The following MAN2A1 variants were observed in gnomAD, a reference collection of about 807,000 sequenced individuals.
MAN2A1 encodes the protein mannosidase alpha class 2A member 1, also known as alpha-mannosidase 2.
In MAN2A1, 76 loss-of-function variants were observed where a neutral mutation model predicts 142.6. The observed-to-expected ratio is 0.53, with a 90% CI of 0.44 to 0.65. The LOEUF is 0.65. Among genes scored for constraint, MAN2A1 ranks in the 30% least tolerant of loss-of-function variants. The pLI is 0.00. For missense variants in MAN2A1, 1,311 were observed against 1,365.1 expected, an observed-to-expected ratio of 0.96 and a Z score of 0.62; for synonymous variants, 559 against 473.2, an observed-to-expected ratio of 1.18 and a Z score of -2.35.
intron 16 of MAN2A1, among the ~76,000 whole-genome samples, chr5:109,837,548 G>A (rs1236943143): frequency 3.3e-5 from 5 of 152,088 alleles, no homozygotes; most frequent in Non-Finnish European, 5.9e-5. Context: ...GTCCTTGGGC[G>A]AGTGATTTCT....
At chr5:109,693,582 T>C (rs1750732446) in intron 1 of MAN2A1, among the ~76,000 whole-genome samples, 1 of 152,076 alleles carries the variant, frequency 6.6e-6, no homozygotes, top group Non-Finnish European at 1.5e-5. Flanking sequence ...CTATTTGTTG[T>C]TTTTTTGGAG....
intron 16 of MAN2A1, among the ~76,000 whole-genome samples, chr5:109,828,104 CAA>C (rs751087391): frequency 2.6e-4 from 24 of 92,736 alleles, no homozygotes; most frequent in Admixed American, 2.6e-4. Context: ...GACTCTGTCT[CAA>C]AAAAAAAAAA....
intron 12 of MAN2A1, among the ~76,000 whole-genome samples, chr5:109,806,616 A>G (rs1389806529): frequency 6.6e-6 from 1 of 152,212 alleles, no homozygotes; most frequent in Non-Finnish European, 1.5e-5. Flanking sequence ...TATTTACTTA[A>G]TAATATCATA....
In MAN2A1 at chr5:109,759,548, G is replaced by T. The variant is rs760974210; in HGVS notation, c.835+4092G>T. ...GTTTTGAGCTATGGTGAATCATACT[G>T]TGATAAACATTTGTGCACAGGTCTT... On this transcript the variant is annotated intron_variant, in intron 5 of 21. Coordinates refer to ENST00000261483, the MANE Select transcript of MAN2A1 (RefSeq NM_002372.4). Among the ~76,000 whole-genome samples the T allele has an allele frequency of 3.3e-4, 50 of 152,228 alleles. 1 individual carries two copies. The highest frequency in any genetic ancestry group is 3.4e-3 in the Middle Eastern group (1 of 294).
chr5:109,788,631 G>A (rs1385190974), intron 10 of MAN2A1, among the ~76,000 whole-genome samples: 2 of 151,736 alleles, frequency 1.3e-5, no homozygotes, highest in African/African-American at 4.8e-5. Context: ...AGTTATTGGG[G>A]TGATCCTACT....
chr5:109,704,843 T>G (rs1751086039), intron 1 of MAN2A1, among the ~76,000 whole-genome samples: 1 of 152,156 alleles, frequency 6.6e-6, no homozygotes, highest in Non-Finnish European at 1.5e-5. Flanking sequence ...GGTGAGCCAT[T>G]TTAAATTATA....
intron 16 of MAN2A1, among the ~76,000 whole-genome samples, chr5:109,828,916 C>G (rs1754831917): frequency 1.3e-5 from 2 of 152,138 alleles, no homozygotes; most frequent in African/African-American, 4.8e-5. Flanking sequence ...TTTCTCTGAG[C>G]AATTTTGAAT....
At position 109,816,665 on chromosome 5, in the gene MAN2A1, A is replaced by G. The variant is rs1386364691; in HGVS notation, c.1944-608A>G. 2.0e-5 allele frequency among the ~76,000 whole-genome samples: 3 copies of G among 152,068 alleles called. No homozygotes were observed. The East Asian group carries it at 5.8e-4, about 29-fold the overall frequency. On this transcript the variant is annotated intron_variant, in intron 12 of 21. Transcript: ENST00000261483. Reference sequence around the variant, plus strand: ...CTCATTGTGATGAAATTGCAAACAAATTGTGAATTTTTTTTATTCTGTGAG... The same window carrying G: ...CTCATTGTGATGAAATTGCAAACAAGTTGTGAATTTTTTTTATTCTGTGAG...
intron 4 of MAN2A1, among the ~76,000 whole-genome samples, chr5:109,754,599 G>A (rs1003009759): frequency 2.0e-5 from 3 of 152,132 alleles, no homozygotes; most frequent in African/African-American, 7.2e-5. Context: ...TTTGATAAAA[G>A]TATATTGAAA....
At chr5:109,757,046 G>A (rs186303965) in intron 5 of MAN2A1, among the ~76,000 whole-genome samples, 7 of 152,254 alleles carry the variant, frequency 4.6e-5, no homozygotes, top group Admixed American at 2.6e-4. Flanking sequence ...GGGAGAGGAC[G>A]CTTAGAAGCT....
chr5:109,703,108 C>G lies in MAN2A1; in HGVS notation c.136-10412C>G, dbSNP rs144220591. ...CCCTGCCTTCAGAGGCTTTCCAAAACTATTTCTGTATGAAAAACGATCTCA... is the reference window on the plus strand; with the variant it reads ...CCCTGCCTTCAGAGGCTTTCCAAAAGTATTTCTGTATGAAAAACGATCTCA... On this transcript the variant is annotated intron_variant, in intron 1 of 21. Transcript: ENST00000261483. Among the ~76,000 whole-genome samples the G allele has an allele frequency of 1.3e-4, 20 of 152,296 alleles. No individual in the cohort carries two copies. In the East Asian group the frequency reaches 1.9e-3, roughly 15 times the overall value.
At chr5:109,694,240 C>G (rs1299808435) in intron 1 of MAN2A1, among the ~76,000 whole-genome samples, 3 of 152,148 alleles carry the variant, frequency 2.0e-5, no homozygotes, top group Non-Finnish European at 4.4e-5. Flanking sequence ...GAAGTTAAAA[C>G]TTTATCTTTT....
chr5:109,731,364 T>C (rs1435520340), intron 4 of MAN2A1, among the ~76,000 whole-genome samples: 1 of 117,194 alleles, frequency 8.5e-6, no homozygotes, highest in African/African-American at 4.0e-5. Flanking sequence ...TTCTTTTTTT[T>C]ATTATTATTA....
At chr5:109,806,456 C>T (rs917547292) in intron 12 of MAN2A1, among the ~76,000 whole-genome samples, 1 of 152,166 alleles carries the variant, frequency 6.6e-6, no homozygotes, top group African/African-American at 2.4e-5. Context: ...ATCTGAAAAA[C>T]TCTGCTACGA....
At chr5:109,748,153 CAGTG>C (rs1752454363) in intron 4 of MAN2A1, among the ~76,000 whole-genome samples, 1 of 152,120 alleles carries the variant, frequency 6.6e-6, no homozygotes, top group African/African-American at 2.4e-5. Flanking sequence ...GACTTATTTT[CAGTG>C]AGCATGGATG....
chr5:109,750,996 T>C (rs1752529218), intron 4 of MAN2A1, among the ~76,000 whole-genome samples: 1 of 152,092 alleles, frequency 6.6e-6, no homozygotes, highest in Admixed American at 6.6e-5. Context: ...CAGTCCTCTT[T>C]TAGCTGTTTT....
At chr5:109,788,428 G>T (rs557499982) in intron 10 of MAN2A1, among the ~76,000 whole-genome samples, 2 of 151,854 alleles carry the variant, frequency 1.3e-5, no homozygotes, top group South Asian at 2.1e-4. Context: ...AAAAACTCTT[G>T]TTCTGGTTCT....
At position 109,713,732 on chromosome 5, in the gene MAN2A1, T is replaced by A. The variant is rs757748881; in HGVS notation, c.348T>A (p.Cys116Ter). The A allele has an allele frequency of 1.9e-6, 3 of 1,613,890 alleles. No homozygotes were observed. In the South Asian group the frequency reaches 3.3e-5, roughly 18 times the overall value. Residue 116 changes from cysteine to a stop codon, truncating the protein, a stop_gained, in exon 2 of 22, where the codon TGT becomes TGA. Transcript: ENST00000261483. LOFTEE classifies it high-confidence loss of function. ...QLSLSVDTAD[C>*]LFASQSGSHN... is the part of the protein sequence containing the mutation. ...CCCTCTCAGTTGACACTGCAGACTGTCTGTTTGCTTCACAAAGTGGAAGTC... is the reference window on the plus strand; with the variant it reads ...CCCTCTCAGTTGACACTGCAGACTGACTGTTTGCTTCACAAAGTGGAAGTC...
chr5:109,828,945 T>TTA (rs1754832471), intron 16 of MAN2A1, among the ~76,000 whole-genome samples: 1 of 152,200 alleles, frequency 6.6e-6, no homozygotes, highest in Non-Finnish European at 1.5e-5. Context: ...ATAAGTGGAT[T>TTA]TATAACCTGA....
Sources: gnomAD v4.1 joint callset for allele counts (sites outside exome capture counted in the v4.1 genomes callset) on GRCh38, gnomAD v4.1.1 for gene constraint, MANE v1.5 for transcripts, NCBI Gene and HGNC (gene_info 2026-07-23, HGNC 2026-07-21) for gene names.